The following LY6S variants were observed in gnomAD, a reference collection of about 807,000 sequenced individuals.
LY6S encodes the protein lymphocyte antigen 6S.
the LY6S span, among the ~76,000 whole-genome samples, chr8:143,068,063 G>A: frequency 3.3e-5 from 5 of 152,210 alleles, no homozygotes; most frequent in Admixed American, 6.5e-5. Context: ...GGGATGTAAG[G>A]TCTTTCCTTT....
chr8:143,044,781 G>A, the LY6S span: 1 of 1,367,442 alleles, frequency 7.3e-7, no homozygotes, highest in Non-Finnish European at 9.8e-7. Context: ...CCAAGCATCT[G>A]TAGCAGCGCA....
the LY6S span, among the ~76,000 whole-genome samples, chr8:143,061,907 A>C: frequency 2.6e-5 from 4 of 152,216 alleles, no homozygotes; most frequent in African/African-American, 9.7e-5. Context: ...AGAATACATG[A>C]ATTTATACAA....
the LY6S span, chr8:143,044,670 C>T: frequency 8.8e-6 from 12 of 1,366,636 alleles, no homozygotes; most frequent in Non-Finnish European, 1.1e-5. Flanking sequence ...TGCCCTGGCA[C>T]CCCAGGGACT....
At chr8:143,043,417 C>G in the LY6S span, among the ~76,000 whole-genome samples, 1 of 152,208 alleles carries the variant, frequency 6.6e-6, no homozygotes, top group Non-Finnish European at 1.5e-5. Flanking sequence ...GCTCCGCACC[C>G]CAACATCTGC....
chr8:143,041,059 G>A, the LY6S span, among the ~76,000 whole-genome samples: 6 of 152,162 alleles, frequency 3.9e-5, no homozygotes, highest in Admixed American at 1.3e-4. Context: ...GGACCGGGGC[G>A]AAATTAAAAT....
chr8:143,066,627 C>G, the LY6S span: 2 of 196,562 alleles, frequency 1.0e-5, no homozygotes, highest in East Asian at 1.4e-4. Context: ...TTGTTCCTTT[C>G]TTTTGGCCAA....
chr8:143,054,220 G>A, the LY6S span: 1 of 150,712 alleles, frequency 6.6e-6, no homozygotes, highest in Non-Finnish European at 1.5e-5. Context: ...GCAAGAGAAT[G>A]GCGAACCTAG....
the LY6S span, among the ~76,000 whole-genome samples, chr8:143,070,222 C>T: frequency 2.6e-5 from 4 of 151,024 alleles, no homozygotes; most frequent in African/African-American, 9.8e-5. Flanking sequence ...CCCTAATGAC[C>T]CCATTCTACC....
the LY6S span, chr8:143,057,932 G>A: frequency 5.3e-6 from 3 of 570,534 alleles, no homozygotes; most frequent in African/African-American, 1.9e-5. Context: ...CGGTGCGGGT[G>A]GTCTCAGCGT....
chr8:143,069,644 G>A, the LY6S span, among the ~76,000 whole-genome samples: 1 of 152,194 alleles, frequency 6.6e-6, no homozygotes, highest in Admixed American at 6.5e-5. Flanking sequence ...CACGATTCCT[G>A]CATGCCTTCC....
At chr8:143,062,688 C>T in the LY6S span, among the ~76,000 whole-genome samples, 3 of 151,930 alleles carry the variant, frequency 2.0e-5, no homozygotes, top group African/African-American at 7.3e-5. Context: ...AATAAAAATA[C>T]ACATGAGAAA....
chr8:143,048,641 G>C, the LY6S span, among the ~76,000 whole-genome samples: 3 of 151,864 alleles, frequency 2.0e-5, no homozygotes, highest in Admixed American at 2.0e-4. Flanking sequence ...CTAATTTTTT[G>C]TACTTTTAGT....
the LY6S span, chr8:143,057,193 C>T: frequency 7.7e-5 from 25 of 325,230 alleles, no homozygotes; most frequent in South Asian, 8.4e-4. Context: ...GGTAATATTC[C>T]GGGACTGGCT....
chr8:143,051,052 A>G, the LY6S span, among the ~76,000 whole-genome samples: 100,530 of 152,108 alleles, frequency 0.66, 33,344 homozygotes, highest in East Asian at 0.74. Context: ...ATGCAAAAGA[A>G]ATACTGCGGC....
At chr8:143,057,121 A>G in the LY6S span, 13 of 352,316 alleles carry the variant, frequency 3.7e-5, no homozygotes, top group African/African-American at 2.0e-4. Context: ...GAAAGTGTAT[A>G]TATAGGGCCA....
At chr8:143,043,354 G>A in the LY6S span, 3 of 875,450 alleles carry the variant, frequency 3.4e-6, no homozygotes, top group South Asian at 1.6e-5. Context: ...AGAGAGCGGG[G>A]TGGGGGATGA....
At chr8:143,050,879 G>A in the LY6S span, among the ~76,000 whole-genome samples, 3 of 152,150 alleles carry the variant, frequency 2.0e-5, no homozygotes, top group South Asian at 2.1e-4. Context: ...CTAATACCTC[G>A]GCGCAAAAAG....
chr8:143,070,244 T>G, the LY6S span, among the ~76,000 whole-genome samples: 2 of 150,770 alleles, frequency 1.3e-5, no homozygotes, highest in Non-Finnish European at 2.9e-5. Flanking sequence ...TAATCACCTC[T>G]TTAAGGACCC....
chr8:143,072,853 C>A, the LY6S span, among the ~76,000 whole-genome samples: 2 of 134,074 alleles, frequency 1.5e-5, no homozygotes, highest in Non-Finnish European at 3.3e-5. Context: ...AGCCGTCGTC[C>A]TCGTGGTCCC....
Sources: allele counts gnomAD v4.1 joint callset (sites outside exome capture counted in the v4.1 genomes callset), GRCh38; gene constraint gnomAD v4.1.1; transcripts MANE v1.5; gene names NCBI Gene and HGNC (gene_info 2026-07-23, HGNC 2026-07-21).